Variants in ITGA8 observed in about 807,000 individuals in gnomAD.
ITGA8 encodes integrin subunit alpha 8.
In ITGA8, 91 loss-of-function variants were observed where a neutral mutation model predicts 142.3. That is an observed-to-expected ratio of 0.64 (90% CI 0.54 to 0.76). The LOEUF is 0.76. ITGA8 is among the 30% of genes least tolerant of loss of function. The pLI is 0.00. For missense variants in ITGA8, 1,406 were observed against 1,327.7 expected (o/e 1.06, Z -0.92); for synonymous variants, 505 against 485.2 (o/e 1.04, Z -0.54).
intron 23 of ITGA8, among the ~76,000 whole-genome samples, chr10:15,580,937 GA>G (rs1261361521): frequency 1.3e-5 from 2 of 151,998 alleles, no homozygotes; most frequent in African/African-American, 4.8e-5. Context: ...AATAAGGGAA[GA>G]AAAAAAATGA....
chr10:15,540,607 T>A (rs1263857857), intron 27 of ITGA8, among the ~76,000 whole-genome samples: 1 of 152,228 alleles, frequency 6.6e-6, no homozygotes, highest in Non-Finnish European at 1.5e-5. Flanking sequence ...AAGGTGCAAG[T>A]ATTTGGGAGG....
intron 27 of ITGA8, among the ~76,000 whole-genome samples, chr10:15,540,839 A>T (rs60818844): frequency 0.054 from 8,260 of 152,282 alleles, 729 homozygotes; most frequent in African/African-American, 0.19. Flanking sequence ...GAAGGCAGCC[A>T]GTAGCTACTA....
Position 15,586,639 on chromosome 10 carries a change from T to G in ITGA8, c.2317A>C (p.Asn773His), listed in dbSNP as rs201477871. Residue 773 changes from asparagine to histidine, a missense_variant, in exon 23 of 30, where the codon AAT becomes CAT. Physicochemically the swap from Asn to His is moderately conservative, Grantham distance 68. Coordinates refer to ENST00000378076, the MANE Select transcript of ITGA8 (RefSeq NM_003638.3). Reference sequence around the variant, plus strand: ...ATGTTGATTTGCAGGCTCACAAAATTGCTGTCTGGATTGTCCTTGTTGGAA... The same window carrying G: ...ATGTTGATTTGCAGGCTCACAAAATGGCTGTCTGGATTGTCCTTGTTGGAA... ...RSSNKDNPDS[N>H]FVSLQINITA... 77 of 1,612,998 alleles carry G rather than the reference T, an allele frequency of 4.8e-5. No individual in the cohort carries two copies. The African/African-American group carries it at 9.7e-4, about 20-fold the overall frequency.
intron 8 of ITGA8, among the ~76,000 whole-genome samples, chr10:15,664,830 T>A (rs1405137737): frequency 6.6e-6 from 1 of 152,120 alleles, no homozygotes; most frequent in African/African-American, 2.4e-5. Context: ...TCCATGTCCC[T>A]ACAAAGGACA....
chr10:15,719,096 G>T (rs1039128831), intron 1 of ITGA8, among the ~76,000 whole-genome samples, 197 bp from the exon 2 acceptor site: 25 of 152,184 alleles, frequency 1.6e-4, no homozygotes, highest in African/African-American at 6.0e-4. Context: ...GAATGCAAAC[G>T]GTCCTGCTTC....
intron 26 of ITGA8, among the ~76,000 whole-genome samples, chr10:15,552,004 G>T (rs1833800258): frequency 6.6e-6 from 1 of 151,612 alleles, no homozygotes; most frequent in Non-Finnish European, 1.5e-5. Flanking sequence ...ACAATAGAAG[G>T]AAAAAAATGG....
intron 13 of ITGA8, among the ~76,000 whole-genome samples, chr10:15,622,757 C>G (rs1411488070): frequency 6.6e-6 from 1 of 151,932 alleles, no homozygotes; most frequent in Non-Finnish European, 1.5e-5. Flanking sequence ...GATTATTATG[C>G]CTAATCATAC....
intron 27 of ITGA8, among the ~76,000 whole-genome samples, chr10:15,536,700 C>G (rs1229379265): frequency 6.6e-6 from 1 of 152,172 alleles, no homozygotes; most frequent in Non-Finnish European, 1.5e-5. Context: ...CTATTAATCC[C>G]CAGAAAATGC....
chr10:15,549,289 C>G (rs1188035868), intron 26 of ITGA8, among the ~76,000 whole-genome samples: 1 of 146,618 alleles, frequency 6.8e-6, no homozygotes, highest in African/African-American at 2.6e-5. Flanking sequence ...CAGCTCACTG[C>G]AACCTCTGCT....
At chr10:15,550,889 G>A (rs879682117) in intron 26 of ITGA8, among the ~76,000 whole-genome samples, 12 of 152,050 alleles carry the variant, frequency 7.9e-5, no homozygotes, top group East Asian at 1.9e-4. Flanking sequence ...ATAGGGGCCC[G>A]TTGCAAGAGC....
chr10:15,594,906 A>T (rs2131599161), intron 21 of ITGA8, among the ~76,000 whole-genome samples: 1 of 152,324 alleles, frequency 6.6e-6, no homozygotes, highest in Admixed American at 6.5e-5. Context: ...TTATAGAACA[A>T]TAAGCATGGG....
chr10:15,653,341 TAG>T (rs1246204878), intron 11 of ITGA8, among the ~76,000 whole-genome samples: 1 of 18,778 alleles, frequency 5.3e-5, no homozygotes, highest in Non-Finnish European at 1.1e-3. Flanking sequence ...GTTTAATTAA[TAG>T]ACTTTTTTTT....
chr10:15,717,452 G>A (rs1835474703), intron 2 of ITGA8, among the ~76,000 whole-genome samples: 1 of 152,138 alleles, frequency 6.6e-6, no homozygotes, highest in African/African-American at 2.4e-5. Context: ...GCAGTAGCTA[G>A]AAAGTGTCTC....
intron 27 of ITGA8, among the ~76,000 whole-genome samples, chr10:15,546,594 T>C (rs1198276318): frequency 1.3e-5 from 2 of 151,928 alleles, no homozygotes; most frequent in Non-Finnish European, 1.5e-5. Flanking sequence ...TATCCTATAA[T>C]GCCCAGGGTG....
Position 15,575,475 on chromosome 10 carries a change from C to T in ITGA8, c.2478+14G>A, listed in dbSNP as rs774577228. ...ATAAACCCCTAACACAACTTTAACACAGACAATGGCTACCTCATAAATATG... is the reference window on the plus strand; with the variant it reads ...ATAAACCCCTAACACAACTTTAACATAGACAATGGCTACCTCATAAATATG... On this transcript the variant is annotated intron_variant, in intron 24 of 29. Coordinates refer to ENST00000378076, the MANE Select transcript of ITGA8 (RefSeq NM_003638.3). The T allele has an allele frequency of 4.4e-6, 7 of 1,579,032 alleles. No homozygotes were observed. In the East Asian group the frequency reaches 6.7e-5, roughly 15 times the overall value.
rs369041341 is a variant in ITGA8 at position 15,701,487 on chromosome 10, C to CT, written c.344-13450dup. Among the ~76,000 whole-genome samples, 282 of 149,488 alleles carry CT rather than the reference C, an allele frequency of 1.9e-3. 5 individuals carry two copies. Among genetic ancestry groups the CT allele is most frequent in the Non-Finnish European group, 2.1e-3 (140 of 67,136 alleles). ...TCTCTGAAATTGGCAGCTTTTGGTT[C>CT]TTTTTTTTTTCTTCATGGGAATATG... On this transcript the variant is annotated intron_variant, in intron 2 of 29. Transcript: ENST00000378076.
At chr10:15,557,729 C>G (rs1833910149) in intron 26 of ITGA8, among the ~76,000 whole-genome samples, 1 of 152,190 alleles carries the variant, frequency 6.6e-6, no homozygotes, top group African/African-American at 2.4e-5. Flanking sequence ...CTCCAAGGGT[C>G]CATGCTCACT....
chr10:15,576,450 C>G (rs1834299890), intron 23 of ITGA8, among the ~76,000 whole-genome samples: 1 of 152,096 alleles, frequency 6.6e-6, no homozygotes, highest in African/African-American at 2.4e-5. Context: ...GTCCTCAAAA[C>G]AAACCAATGT....
intron 22 of ITGA8, among the ~76,000 whole-genome samples, chr10:15,587,665 A>C (rs1381997804): frequency 6.6e-6 from 1 of 152,096 alleles, no homozygotes; most frequent in African/African-American, 2.4e-5. Context: ...TGGCCAGTTC[A>C]TAAACAGGCA....
Sources: gnomAD v4.1 joint callset for allele counts (sites outside exome capture counted in the v4.1 genomes callset) on GRCh38, gnomAD v4.1.1 for gene constraint, MANE v1.5 for transcripts, NCBI Gene and HGNC (gene_info 2026-07-23, HGNC 2026-07-21) for gene names.